The following DPP4 variants were observed in gnomAD, a reference collection of about 807,000 sequenced individuals.
The protein encoded by DPP4 is ADCP-2.
A neutral mutation model predicts 122.4 loss-of-function variants in DPP4; 93 were observed. The observed-to-expected ratio is 0.76, with a 90% CI of 0.64 to 0.90. DPP4 has a LOEUF of 0.90. DPP4 is among the 40% of genes least tolerant of loss of function. The pLI, the probability that DPP4 is intolerant of heterozygous loss-of-function variation, is 0.00. For synonymous variants in DPP4, 321 were observed against 302.9 expected (o/e 1.06, Z -0.62); for missense variants, 914 against 907.3 (o/e 1.01, Z -0.09).
chr2:162,033,528 A>G lies in DPP4; in HGVS notation c.887+13T>C, dbSNP rs753014679. On this transcript the variant is annotated intron_variant, in intron 10 of 25. Transcript: ENST00000360534. The stretch of plus-strand genomic sequence containing the variant: ...ACTGTTTACAAGCCAAGCATTCAGG[A>G]CAAGAGTCTTACCCTATCAACATAG... The G allele has an allele frequency of 6.3e-7, 1 of 1,594,320 alleles. No individual in the cohort carries two copies.
At chr2:161,998,118 G>A (rs1320010932) in intron 23 of DPP4, among the ~76,000 whole-genome samples, 1 of 152,176 alleles carries the variant, frequency 6.6e-6, no homozygotes, top group Non-Finnish European at 1.5e-5. Context: ...TGATTTGGGA[G>A]GCATACTTTG....
Position 162,073,496 on chromosome 2 carries a change from G to T in DPP4, c.7-10C>A, listed in dbSNP as rs200628893. ...GAACCTTCCACGGTGTCTGCAAGCC[G>T]AGCAGATCAAGTCCAATTAGAGGGA... On this transcript the variant is annotated splice_polypyrimidine_tract_variant and intron_variant, in intron 1 of 25. Transcript: ENST00000360534. 6.5e-5 allele frequency: 105 copies of T among 1,613,274 alleles called. No individual in the cohort carries two copies. Among genetic ancestry groups the T allele is most frequent in the Non-Finnish European group, 8.1e-5 (96 of 1,179,824 alleles).
chr2:162,047,376 A>G, intron 3 of DPP4, 27 bp downstream of exon 3: 4 of 1,386,674 alleles, frequency 2.9e-6, no homozygotes, highest in Non-Finnish European at 4.0e-6. Flanking sequence ...TAAGCATAAA[A>G]TCTGCCCTAC....
intron 2 of DPP4, among the ~76,000 whole-genome samples, chr2:162,072,689 A>G (rs1685159560): frequency 1.3e-5 from 2 of 152,238 alleles, no homozygotes; most frequent in South Asian, 4.1e-4. Flanking sequence ...TGCATCCTAC[A>G]GTGAGTATTC....
intron 23 of DPP4, among the ~76,000 whole-genome samples, chr2:162,005,216 C>A (rs1701253067): frequency 6.6e-6 from 1 of 152,118 alleles, no homozygotes; most frequent in African/African-American, 2.4e-5. Flanking sequence ...AGGCAACCAG[C>A]CTGTTGGATG....
At chr2:162,030,434 G>A (rs2909452) in intron 10 of DPP4, among the ~76,000 whole-genome samples, 293 of 152,290 alleles carry the variant, frequency 1.9e-3, no homozygotes, top group African/African-American at 6.3e-3. Context: ...TGCAGGCTCT[G>A]TGGTGAAGGG....
At chr2:161,998,846 CTG>C (rs1326881401) in intron 23 of DPP4, among the ~76,000 whole-genome samples, 1 of 152,130 alleles carries the variant, frequency 6.6e-6, no homozygotes. Flanking sequence ...AAGACGAAAA[CTG>C]TGATAAAAGT....
chr2:162,059,128 T>C (rs1684672746), intron 2 of DPP4, among the ~76,000 whole-genome samples: 1 of 152,230 alleles, frequency 6.6e-6, no homozygotes, highest in South Asian at 2.1e-4. Context: ...CTGACCGAAC[T>C]AAGCCGAGTT....
At chr2:162,029,989 T>G (rs1398386044) in intron 10 of DPP4, among the ~76,000 whole-genome samples, 1 of 152,188 alleles carries the variant, frequency 6.6e-6, no homozygotes. Context: ...TATCTATTAG[T>G]TTATTCTACA....
chr2:161,999,755 T>C (rs1391901827), intron 23 of DPP4, among the ~76,000 whole-genome samples: 1 of 152,182 alleles, frequency 6.6e-6, no homozygotes, highest in Non-Finnish European at 1.5e-5. Flanking sequence ...GGTATAACAA[T>C]TTTTAAACTA....
chr2:162,008,497 G>C (rs552025572), intron 22 of DPP4, 65 bp downstream of exon 22: 2 of 1,337,088 alleles, frequency 1.5e-6, no homozygotes. Context: ...GAAAGGAATG[G>C]CTTTGTTACT....
At chr2:162,001,571 G>A (rs1287520997) in intron 23 of DPP4, among the ~76,000 whole-genome samples, 3 of 152,056 alleles carry the variant, frequency 2.0e-5, no homozygotes, top group East Asian at 3.9e-4. Context: ...TGATTAAAAC[G>A]CCAGGCACCT....
intron 1 of DPP4, 64 bp from the exon 2 acceptor site, chr2:162,073,550 G>A (rs1476259520): frequency 2.0e-6 from 3 of 1,526,724 alleles, no homozygotes; most frequent in African/African-American, 1.4e-5. Flanking sequence ...CCGTAGGAGG[G>A]TCGGGGCTGC....
intron 23 of DPP4, among the ~76,000 whole-genome samples, chr2:161,997,417 A>G (rs1417679913): frequency 6.6e-6 from 1 of 152,206 alleles, no homozygotes; most frequent in African/African-American, 2.4e-5. Context: ...AAGATCCATA[A>G]GAAAAAAGAT....
intron 2 of DPP4, among the ~76,000 whole-genome samples, chr2:162,057,247 A>C (rs1576070216): frequency 6.6e-6 from 1 of 152,182 alleles, no homozygotes; most frequent in Admixed American, 6.5e-5. Context: ...GGCAAGAAGA[A>C]CCTGTCAGAC....
rs1684971533 is a variant in DPP4 at position 162,067,051 on chromosome 2, T to TAAGC, written c.94+6344_94+6347dup. Among the ~76,000 whole-genome samples the TAAGC allele has an allele frequency of 3.3e-5, 5 of 152,392 alleles. No homozygotes were observed. The East Asian group carries it at 5.8e-4, about 18-fold the overall frequency. ...ACCTTCAATAACACTTGACATGCAG[T>TAAGC]AAGCATTCAATATATGTTTTTGAAT... On this transcript the variant is annotated intron_variant, in intron 2 of 25. Coordinates refer to ENST00000360534, the MANE Select transcript of DPP4 (RefSeq NM_001935.4).
At chr2:162,004,055 G>A (rs1050187714) in intron 23 of DPP4, among the ~76,000 whole-genome samples, 1 of 152,074 alleles carries the variant, frequency 6.6e-6, no homozygotes, top group Non-Finnish European at 1.5e-5. Flanking sequence ...AAGGAGCAGA[G>A]GGCAAAGGCA....
rs1317733953 is a variant in DPP4, at chr2:161,995,280, T to C, written c.2125+20A>G. 5 of 1,609,690 alleles carry C rather than the reference T, an allele frequency of 3.1e-6. No homozygotes were observed. Among genetic ancestry groups the C allele is most frequent in the Non-Finnish European group, 4.3e-6 (5 of 1,176,190 alleles). On this transcript the variant is annotated intron_variant, in intron 24 of 25. Transcript: ENST00000360534. ...CAAACCTGTCTGTGATACTAAAAAG[T>C]CTAATTAACTGAAACTCACCATCTG... is the stretch of plus-strand genomic sequence containing the variant.
intron 6 of DPP4, 28 bp from the exon 7 acceptor site, chr2:162,039,049 T>G (rs200712478): frequency 1.9e-6 from 3 of 1,612,816 alleles, no homozygotes; most frequent in Admixed American, 1.7e-5. Flanking sequence ...GGAAATATTA[T>G]CAAAAAGAAT....
Sources: gnomAD v4.1 joint callset for allele counts (sites outside exome capture counted in the v4.1 genomes callset) on GRCh38, gnomAD v4.1.1 for gene constraint, MANE v1.5 for transcripts, NCBI Gene and HGNC (gene_info 2026-07-23, HGNC 2026-07-21) for gene names.